TANGO6: variants seen among roughly 807,000 people sequenced by gnomAD.
TANGO6 encodes the protein transport and golgi organization 6 homolog, also known as transport and Golgi organization protein 6 homolog.
Under a neutral mutation model 114.2 loss-of-function variants are expected in TANGO6, and 90 were observed. That is an observed-to-expected ratio of 0.79 (90% confidence interval 0.66 to 0.94). The LOEUF is 0.94. TANGO6 is among the 40% of genes least tolerant of loss of function. The pLI, the probability that TANGO6 is intolerant of heterozygous loss-of-function variation, is 0.00. For synonymous variants in TANGO6, 477 were observed against 509.8 expected (o/e 0.94, Z 0.87); for missense variants, 1,274 against 1,315.3 (o/e 0.97, Z 0.49).
At chr16:68,985,341 C>G (rs1272274975) in intron 15 of TANGO6, among the ~76,000 whole-genome samples, 1 of 152,132 alleles carries the variant, frequency 6.6e-6, no homozygotes, top group Non-Finnish European at 1.5e-5. Flanking sequence ...CATATAACTC[C>G]TTTTGATGAT....
At chr16:68,978,140 A>T (rs1475700146) in intron 15 of TANGO6, among the ~76,000 whole-genome samples, 2 of 152,214 alleles carry the variant, frequency 1.3e-5, no homozygotes, top group Admixed American at 1.3e-4. Flanking sequence ...TACCACTGGG[A>T]TTATCAGAGC....
chr16:68,972,631 C>G (rs558706911), intron 14 of TANGO6, among the ~76,000 whole-genome samples: 2 of 152,248 alleles, frequency 1.3e-5, no homozygotes, highest in South Asian at 2.1e-4. Context: ...TAGGACTCTT[C>G]TAGGCATTGG....
At chr16:68,954,463 A>G (rs1262615613) in intron 14 of TANGO6, among the ~76,000 whole-genome samples, 1 of 152,044 alleles carries the variant, frequency 6.6e-6, no homozygotes, top group Admixed American at 6.6e-5. Flanking sequence ...TCTCTCTTTC[A>G]TCAAGCCCTC....
At chr16:69,060,140 G>A (rs900013120) in intron 17 of TANGO6, among the ~76,000 whole-genome samples, 2 of 151,962 alleles carry the variant, frequency 1.3e-5, no homozygotes, top group Non-Finnish European at 2.9e-5. Flanking sequence ...GTAGGACTCC[G>A]CTACATGTTA....
At chr16:68,947,320 G>T (rs2152204037) in intron 14 of TANGO6, among the ~76,000 whole-genome samples, 1 of 152,066 alleles carries the variant, frequency 6.6e-6, no homozygotes, top group South Asian at 2.1e-4. Context: ...CAGGCATGGT[G>T]GTGTGTGCCT....
intron 16 of TANGO6, among the ~76,000 whole-genome samples, chr16:69,028,868 A>G (rs1015349057): frequency 2.7e-5 from 4 of 150,130 alleles, no homozygotes; most frequent in Middle Eastern, 3.2e-3. Context: ...AAAAAAAAAA[A>G]AAAAAAGAAA....
chr16:68,849,029 A>C (rs1179184668), intron 1 of TANGO6, among the ~76,000 whole-genome samples: 1 of 152,154 alleles, frequency 6.6e-6, no homozygotes, highest in Non-Finnish European at 1.5e-5. Flanking sequence ...CGGACACAGG[A>C]TATTCATTGC....
At chr16:68,983,361 C>A (rs1001990932) in intron 15 of TANGO6, among the ~76,000 whole-genome samples, 4 of 152,056 alleles carry the variant, frequency 2.6e-5, no homozygotes, top group Admixed American at 2.0e-4. Flanking sequence ...AATTCTTTAT[C>A]TTGAAAACAC....
chr16:69,055,934 G>A (rs1200925680), intron 17 of TANGO6, among the ~76,000 whole-genome samples: 1 of 152,078 alleles, frequency 6.6e-6, no homozygotes, highest in Admixed American at 6.6e-5. Context: ...AGCTACTTGG[G>A]AGGCTGAGGC....
At chr16:68,926,248 C>CT (rs1204080893) in intron 12 of TANGO6, among the ~76,000 whole-genome samples, 1 of 152,090 alleles carries the variant, frequency 6.6e-6, no homozygotes, top group Non-Finnish European at 1.5e-5. Context: ...AATTCCAGCA[C>CT]TTTGGAAGGC....
In TANGO6 at chr16:68,859,886, T is replaced by G; in HGVS notation, c.97T>G (p.Ser33Ala). Residue 33 changes from serine to alanine, a missense_variant and splice_region_variant, in exon 2 of 18, where the codon TCG (serine) becomes GCG (alanine). By Grantham distance (99) the Ser-to-Ala change is moderately conservative. This residue lies in a region of TANGO6 where 114 missense variants were observed against 104.6 expected (regional missense o/e 1.09). Transcript: ENST00000261778. ...ALKLLLSPGG[S>A]GSSSLQVTKH... ...CTCCTTTTTTTCTTCTTCAAAAGGC[T>G]CGGGCTCAAGTTCACTACAGGTCAC... 6.4e-7 allele frequency: 1 copy of G among 1,554,626 alleles called. No individual in the cohort carries two copies.
In TANGO6 at chr16:69,022,960, T is replaced by C. The variant is rs554866332; in HGVS notation, c.2975T>C (p.Leu992Pro). ...GELCQRLDFL[L>P]GSVVHEVTAC... Reference sequence around the variant, plus strand: ...CTGTGCCAGAGGCTGGACTTTCTGCTGGGCTCCGTGGTCCATGAGGTACTG... The same window carrying C: ...CTGTGCCAGAGGCTGGACTTTCTGCCGGGCTCCGTGGTCCATGAGGTACTG... Residue 992 changes from leucine to proline, a missense_variant, in exon 16 of 18, where the codon CTG (leucine) becomes CCG (proline). Leu to Pro is a moderately conservative substitution (Grantham distance 98). This residue lies in a region of TANGO6 where 238 missense variants were observed against 252.9 expected (regional missense o/e 0.94). Coordinates refer to ENST00000261778, the MANE Select transcript of TANGO6 (RefSeq NM_024562.2). 5.7e-5 allele frequency: 91 copies of C among 1,598,040 alleles called. 1 individual carries two copies. In the East Asian group the frequency reaches 1.9e-3, roughly 33 times the overall value.
chr16:69,023,812 A>G (rs1207949712), intron 16 of TANGO6, among the ~76,000 whole-genome samples: 1 of 152,186 alleles, frequency 6.6e-6, no homozygotes, highest in East Asian at 1.9e-4. Flanking sequence ...GTAGGTAATC[A>G]GTAAATTATT....
chr16:68,909,424 G>T, intron 11 of TANGO6, 22 bp downstream of exon 11: 1 of 1,465,556 alleles, frequency 6.8e-7, no homozygotes. Flanking sequence ...CCACATTCTG[G>T]ACCGCAGCCT....
intron 15 of TANGO6, among the ~76,000 whole-genome samples, chr16:68,986,126 G>C (rs77509679): frequency 1.5e-3 from 224 of 152,324 alleles, no homozygotes; most frequent in African/African-American, 4.8e-3. Flanking sequence ...TTTAGAGGCA[G>C]AATGTAGCCT....
At chr16:68,879,682 T>A (rs1447954083) in intron 6 of TANGO6, among the ~76,000 whole-genome samples, 2 of 151,094 alleles carry the variant, frequency 1.3e-5, no homozygotes, top group Non-Finnish European at 1.5e-5. Flanking sequence ...AGTGGCATGA[T>A]CTCGGCTCAC....
rs568214114 is a variant in TANGO6 at position 69,017,444 on chromosome 16, C to G, written c.2843-5384C>G. 2.7e-4 allele frequency among the ~76,000 whole-genome samples: 41 copies of G among 152,194 alleles called. No homozygotes were observed. In the South Asian group the frequency reaches 7.7e-3, roughly 28 times the overall value. On this transcript the variant is annotated intron_variant, in intron 15 of 17. Transcript: ENST00000261778. ...AACATTAAAATGTTTCTCCTGTGTT[C>G]TTACCCTTTTCAACCTGCAATTTCC... is the stretch of plus-strand genomic sequence containing the variant.
chr16:68,943,221 ATTTTT>A (rs940964386), intron 14 of TANGO6, among the ~76,000 whole-genome samples: 15 of 146,710 alleles, frequency 1.0e-4, no homozygotes, highest in African/African-American at 3.5e-4. Flanking sequence ...TTATATTCTT[ATTTTT>A]ATTTTTTATT....
intron 7 of TANGO6, among the ~76,000 whole-genome samples, chr16:68,891,649 A>T (rs1484673476): frequency 6.6e-6 from 1 of 152,110 alleles, no homozygotes; most frequent in Non-Finnish European, 1.5e-5. Flanking sequence ...TCCTCCAGAT[A>T]TTGAAGTTAG....
Sources: gnomAD v4.1 joint callset for allele counts (sites outside exome capture counted in the v4.1 genomes callset) on GRCh38, gnomAD v4.1.1 for gene constraint, gnomAD v4.1.1 regional missense constraint, MANE v1.5 for transcripts, NCBI Gene and HGNC (gene_info 2026-07-23, HGNC 2026-07-21) for gene names.